FYB2: variants seen among roughly 807,000 people sequenced by gnomAD.
FYB2 encodes FYN-binding protein 2.
In FYB2, 103 loss-of-function variants were observed where a neutral mutation model predicts 94.1. The ratio of observed to expected loss-of-function variants is 1.09; its 90% CI spans 0.93 to 1.29. FYB2 has a LOEUF of 1.29. Ranked by LOEUF, FYB2 falls within the 50% of genes most tolerant of loss-of-function variation. FYB2 has a pLI of 0.00. For missense variants in FYB2, 896 were observed against 841.5 expected (o/e 1.06, Z -0.80); for synonymous variants, 293 against 287.9 (o/e 1.02, Z -0.18).
At chr1:56,757,350 A>G (rs1645357822) in intron 6 of FYB2, among the ~76,000 whole-genome samples, 1 of 152,094 alleles carries the variant, frequency 6.6e-6, no homozygotes, top group South Asian at 2.1e-4. Context: ...ACCAGCAAGC[A>G]TAAGAGAACC....
chr1:56,767,975 T>A (rs746832252), intron 4 of FYB2, 37 bp from the exon 5 acceptor site: 9 of 1,436,982 alleles, frequency 6.3e-6, no homozygotes, highest in South Asian at 2.4e-5. Flanking sequence ...GTAACATTTT[T>A]AAAAACATAT....
intron 4 of FYB2, among the ~76,000 whole-genome samples, chr1:56,771,233 G>T (rs1645747002): frequency 6.6e-6 from 1 of 152,012 alleles, no homozygotes; most frequent in African/African-American, 2.4e-5. Flanking sequence ...TCCTTAGCGA[G>T]AAAATGCATA....
At chr1:56,784,790 C>T (rs1233018729) in intron 4 of FYB2, among the ~76,000 whole-genome samples, 2 of 152,182 alleles carry the variant, frequency 1.3e-5, no homozygotes, top group African/African-American at 4.8e-5. Context: ...CACCCATCAA[C>T]TACATCTCAG....
intron 17 of FYB2, among the ~76,000 whole-genome samples, chr1:56,722,609 G>C (rs1346969081): frequency 1.3e-5 from 2 of 152,020 alleles, no homozygotes; most frequent in Admixed American, 6.6e-5. Flanking sequence ...AATAGACCAA[G>C]GAAGCACTTA....
chr1:56,744,033 T>C lies in FYB2; in HGVS notation c.1536A>G (p.Ser512=). 6.2e-7 allele frequency: 1 copy of C among 1,612,330 alleles called. No individual in the cohort carries two copies. The highest frequency in any genetic ancestry group is 1.1e-5 in the South Asian group (1 of 91,026). Residue 512 remains serine, a synonymous_variant, in exon 11 of 20, where the codon TCA becomes TCG. Coordinates refer to ENST00000343433, the MANE Select transcript of FYB2 (RefSeq NM_001004303.5). ...ATGTCTTCCTATACTTACCACTACT[T>C]GAGGCAAGTGAGCTAGAGTAGTTCA... The part of the protein sequence containing the change: ...PKLNYSSSLA[S]SSEENRELYE...
intron 17 of FYB2, chr1:56,720,929 A>T (rs1442310634): frequency 6.6e-6 from 1 of 152,172 alleles, no homozygotes; most frequent in African/African-American, 2.4e-5. Context: ...CTTAAAGCTT[A>T]TAATATTCTT....
intron 9 of FYB2, 116 bp downstream of exon 9, chr1:56,750,928 G>T: frequency 8.0e-7 from 1 of 1,249,508 alleles, no homozygotes; most frequent in Non-Finnish European, 1.1e-6. Flanking sequence ...AGGGCAAGTT[G>T]CTTGGCACAA....
intron 4 of FYB2, among the ~76,000 whole-genome samples, chr1:56,776,652 A>C (rs867377974): frequency 1.3e-5 from 2 of 152,248 alleles, no homozygotes; most frequent in Non-Finnish European, 1.5e-5. Flanking sequence ...TTTGAGGTGC[A>C]CTAACATCTG....
intron 4 of FYB2, among the ~76,000 whole-genome samples, chr1:56,782,647 A>C (rs1355174203): frequency 2.6e-5 from 4 of 152,170 alleles, no homozygotes; most frequent in African/African-American, 9.7e-5. Flanking sequence ...CTTTTAATAA[A>C]AGCTGATAGA....
chr1:56,786,060 A>G (rs2100931395), intron 4 of FYB2, among the ~76,000 whole-genome samples: 1 of 152,282 alleles, frequency 6.6e-6, no homozygotes, highest in East Asian at 1.9e-4. Context: ...TTGCTGGATG[A>G]GGAGAGACAG....
chr1:56,743,613 G>T (rs1429436598), intron 11 of FYB2, among the ~76,000 whole-genome samples: 1 of 152,026 alleles, frequency 6.6e-6, no homozygotes, highest in Non-Finnish European at 1.5e-5. Context: ...TCTCAAAGAT[G>T]AAGATTGAGT....
At chr1:56,760,898 T>C (rs1645476810) in intron 5 of FYB2, among the ~76,000 whole-genome samples, 1 of 152,194 alleles carries the variant, frequency 6.6e-6, no homozygotes. Context: ...GGTAGGAATA[T>C]AGAGGATAAA....
intron 16 of FYB2, among the ~76,000 whole-genome samples, chr1:56,724,009 CAAAT>C (rs1644537776): frequency 6.6e-6 from 1 of 150,674 alleles, no homozygotes; most frequent in Non-Finnish European, 1.5e-5. Context: ...ATTGGTTAAA[CAAAT>C]GAAGGTAAAC....
chr1:56,730,378 G>C (rs1260273221), intron 15 of FYB2, among the ~76,000 whole-genome samples: 2 of 91,350 alleles, frequency 2.2e-5, no homozygotes, highest in African/African-American at 8.5e-5. Context: ...AGGAGAGGGG[G>C]AAAGGTAAAG....
chr1:56,780,267 A>G (rs1265703850), intron 4 of FYB2, among the ~76,000 whole-genome samples: 1 of 152,212 alleles, frequency 6.6e-6, no homozygotes, highest in African/African-American at 2.4e-5. Context: ...AGCAAGGCTT[A>G]GTTCCAAAAC....
chr1:56,803,128 TC>T (rs1369639666), intron 1 of FYB2, among the ~76,000 whole-genome samples: 1 of 152,170 alleles, frequency 6.6e-6, no homozygotes, highest in Non-Finnish European at 1.5e-5. Context: ...TCAAATTTTT[TC>T]CAGTTTTAGA....
Position 56,723,642 on chromosome 1 carries a change from G to T in FYB2, c.1920C>A (p.Asn640Lys). Residue 640 changes from asparagine to lysine, a missense_variant, in exon 17 of 20, where the codon AAC (asparagine) becomes AAA (lysine). Physicochemically the swap from Asn to Lys is moderately conservative, Grantham distance 94. Transcript: ENST00000343433. ...PRNFFKTKKQ[N>K]LEKNRMKREE... ...CTCTTTTCATTCTGTTCTTTTCTAAGTTTTGCTTCTTGGTTTTGAAGAAAT... is the reference window on the plus strand; with the variant it reads ...CTCTTTTCATTCTGTTCTTTTCTAATTTTTGCTTCTTGGTTTTGAAGAAAT... 6.4e-7 allele frequency: 1 copy of T among 1,572,270 alleles called. No individual in the cohort carries two copies. Among genetic ancestry groups the T allele is most frequent in the Non-Finnish European group, 8.7e-7 (1 of 1,146,614 alleles).
chr1:56,724,887 T>C (rs1644554943), intron 16 of FYB2, among the ~76,000 whole-genome samples: 1 of 151,972 alleles, frequency 6.6e-6, no homozygotes, highest in Non-Finnish European at 1.5e-5. Context: ...TAATGGGAGA[T>C]GTTTGGGTCA....
intron 4 of FYB2, among the ~76,000 whole-genome samples, chr1:56,779,841 G>C (rs928293219): frequency 6.6e-6 from 1 of 152,070 alleles, no homozygotes; most frequent in Non-Finnish European, 1.5e-5. Flanking sequence ...AAAAATTCTG[G>C]CTGAGTCAGA....
Sources: allele counts gnomAD v4.1 joint callset (sites outside exome capture counted in the v4.1 genomes callset), GRCh38; gene constraint gnomAD v4.1.1; transcripts MANE v1.5; gene names NCBI Gene and HGNC (gene_info 2026-07-23, HGNC 2026-07-21).